Variants in VPS13D observed in about 807,000 individuals in gnomAD.
VPS13D encodes intermembrane lipid transfer protein VPS13D.
A neutral mutation model predicts 461.9 loss-of-function variants in VPS13D; 187 were observed. That is an observed-to-expected ratio of 0.40 (90% CI 0.36 to 0.46). The LOEUF is 0.46. VPS13D is among the 20% of genes least tolerant of loss of function. VPS13D has a pLI of 0.60. For synonymous variants in VPS13D, 1,951 were observed against 1,986.3 expected (o/e 0.98, Z 0.47); for missense variants, 4,711 against 5,364.9 (o/e 0.88, Z 3.81).
intron 67 of VPS13D, among the ~76,000 whole-genome samples, chr1:12,477,362 C>G (rs1271674972): frequency 6.6e-6 from 1 of 152,180 alleles, no homozygotes; most frequent in Non-Finnish European, 1.5e-5. Flanking sequence ...AACCCAGTAG[C>G]CTCATTTTAC....
rs1459760382 is a variant in VPS13D at position 12,271,133 on chromosome 1, G to T, written c.2103+9G>T. On this transcript the variant is annotated intron_variant, in intron 17 of 69. Transcript: ENST00000620676. ...TAGTGGGTGATTTCATTGTAAGTGG[G>T]CATCCATAAACACTCTTTGGGGATT... 2 of 1,613,786 alleles carry T rather than the reference G, an allele frequency of 1.2e-6. No individual in the cohort carries two copies. The highest frequency in any genetic ancestry group is 1.7e-6 in the Non-Finnish European group (2 of 1,179,840).
chr1:12,274,199 C>T (rs1050824594), intron 18 of VPS13D, among the ~76,000 whole-genome samples: 2 of 152,190 alleles, frequency 1.3e-5, no homozygotes, highest in Non-Finnish European at 2.9e-5. Context: ...CACCACTATG[C>T]CCAGCTAATT....
At chr1:12,425,133 A>T (rs1644908344) in intron 65 of VPS13D, among the ~76,000 whole-genome samples, 1 of 150,666 alleles carries the variant, frequency 6.6e-6, no homozygotes, top group Non-Finnish European at 1.5e-5. Context: ...GTTCTTTCTA[A>T]TTTTTTTTTT....
chr1:12,371,390 CTTT>C (rs1286829007), intron 54 of VPS13D, among the ~76,000 whole-genome samples: 5 of 135,188 alleles, frequency 3.7e-5, no homozygotes, highest in African/African-American at 2.7e-5. Flanking sequence ...ATGCTTCATT[CTTT>C]TTTTTTTTTT....
chr1:12,505,491 C>A lies in VPS13D; in HGVS notation c.12795-1362C>A, dbSNP rs552054338. Among the ~76,000 whole-genome samples, 1 of 152,180 alleles carries A rather than the reference C, an allele frequency of 6.6e-6. No individual in the cohort carries two copies. The highest frequency in any genetic ancestry group is 1.5e-5 in the Non-Finnish European group (1 of 68,016). Reference sequence around the variant, plus strand: ...AATAAATCCCAGTTTTTGTCATGGGCGTCTGTAATTAAAATGGCAACTGGA... The same window carrying A: ...AATAAATCCCAGTTTTTGTCATGGGAGTCTGTAATTAAAATGGCAACTGGA... On this transcript the variant is annotated intron_variant, in intron 68 of 69. Coordinates refer to ENST00000620676, the MANE Select transcript of VPS13D (RefSeq NM_015378.4). This position sits in a 1 kb window ranked among gnomAD's most constrained non-coding sequence, Gnocchi z 4.2.
intron 5 of VPS13D, among the ~76,000 whole-genome samples, chr1:12,247,503 A>T (rs569286000): frequency 1.3e-5 from 2 of 151,436 alleles, no homozygotes; most frequent in East Asian, 3.9e-4. Context: ...AAAAAAACCC[A>T]AAAAAAACCC....
intron 66 of VPS13D, among the ~76,000 whole-genome samples, chr1:12,459,404 G>T (rs1235418274): frequency 6.6e-6 from 1 of 151,952 alleles, no homozygotes; most frequent in Non-Finnish European, 1.5e-5. Flanking sequence ...AGGGGATCCT[G>T]GATCAATCCC....
rs756749455 is a variant in VPS13D at position 12,258,032 on chromosome 1, C to T, written c.1039C>T (p.Arg347Cys). The change falls in exon 10 of 70, where the codon CGT becomes TGT. Residue 347 changes from arginine (R) to cysteine (C), a missense_variant. By Grantham distance (180) the Arg-to-Cys change is radical. Around this residue, in one of 3 missense-constraint regions of VPS13D, gnomAD observed 4,411 missense variants for 4,937.8 expected, o/e 0.89. Coordinates refer to ENST00000620676, the MANE Select transcript of VPS13D (RefSeq NM_015378.4). ...CTWDFMLHRA[R>C]DAVSYTDKYF... ...CTGGGACTTTATGTTGCACCGCGCT[C>T]GTGATGCTGTATCTTACACTGACAA... 1.2e-5 allele frequency: 19 copies of T among 1,614,014 alleles called. No individual in the cohort carries two copies. Among genetic ancestry groups the T allele is most frequent in the East Asian group, 4.5e-5 (2 of 44,892 alleles).
chr1:12,399,219 C>T (rs1195281233), intron 60 of VPS13D, among the ~76,000 whole-genome samples: 7 of 144,164 alleles, frequency 4.9e-5, no homozygotes, highest in African/African-American at 7.8e-5. Flanking sequence ...TTTTTTGAGA[C>T]GGAGTCTCTC....
rs1305035937 is a variant in VPS13D at position 12,276,479 on chromosome 1, T to C, written c.2891T>C (p.Met964Thr). The change falls in exon 19 of 70, where the codon ATG becomes ACG. Residue 964 changes from methionine to threonine, a missense_variant. Coordinates refer to ENST00000620676, the MANE Select transcript of VPS13D (RefSeq NM_015378.4). The surrounding 1 kb of genome is among the most constrained non-coding windows in gnomAD (Gnocchi z 4.5). ...LLLAEFKVNC[M>T]QLGVESNGRY... ...CTGGCGGAATTTAAAGTGAACTGTA[T>C]GCAGCTTGGTGTTGAGAGCAATGGC... 1.2e-6 allele frequency: 2 copies of C among 1,614,182 alleles called. No individual in the cohort carries two copies. Among genetic ancestry groups the C allele is most frequent in the Admixed American group, 1.7e-5 (1 of 60,016 alleles).
In VPS13D at chr1:12,275,009, A is replaced by G. The variant is rs181349380; in HGVS notation, c.2237-816A>G. Among the ~76,000 whole-genome samples the G allele has an allele frequency of 4.2e-3, 637 of 152,258 alleles. 2 individuals carry two copies. Among genetic ancestry groups the G allele is most frequent in the Non-Finnish European group, 6.7e-3 (454 of 68,006 alleles). ...TGAGGTGGGTGGATCACCTGAGGTC[A>G]GGAGTTCGAGACCAGTCTGGCCAAC... On this transcript the variant is annotated intron_variant, in intron 18 of 69. Transcript: ENST00000620676.
At position 12,346,511 on chromosome 1, in the gene VPS13D, C is replaced by T. The variant is rs1569964685; in HGVS notation, c.9022-94C>T. The T allele has an allele frequency of 1.2e-5, 15 of 1,297,106 alleles. No individual in the cohort carries two copies. The East Asian group carries it at 3.5e-4, about 30-fold the overall frequency. The allele number at this position is 1,297,106 out of a possible 1,614,324, so 80.3% of individuals were successfully genotyped here. On this transcript the variant is annotated intron_variant, in intron 43 of 69. Coordinates refer to ENST00000620676, the MANE Select transcript of VPS13D (RefSeq NM_015378.4). ...TACTTTACTTGAAAGTATTTACAAA[C>T]ACGACCCTTTGAAGAAAATTATGTT...
rs567284802 is a variant in VPS13D at position 12,340,114 on chromosome 1, T to G, written c.8627-1666T>G. ...GTTTACCCTGCAGACAGCTCTTAAA[T>G]TTTTTACTCCCCCTCTGCTCTTGTC... On this transcript the variant is annotated intron_variant, in intron 40 of 69. Transcript: ENST00000620676. Among the ~76,000 whole-genome samples, 17 of 152,302 alleles carry G rather than the reference T, an allele frequency of 1.1e-4. No homozygotes were observed. The East Asian group carries it at 3.3e-3, about 29-fold the overall frequency.
intron 57 of VPS13D, among the ~76,000 whole-genome samples, chr1:12,382,008 TCTTC>T (rs529283157): frequency 3.3e-4 from 48 of 145,066 alleles, no homozygotes; most frequent in East Asian, 1.2e-3. Flanking sequence ...TTCCTTCCTT[TCTTC>T]CTTCCTTCCT....
chr1:12,424,249 A>G (rs1644896762), intron 65 of VPS13D, among the ~76,000 whole-genome samples: 1 of 152,244 alleles, frequency 6.6e-6, no homozygotes, highest in Admixed American at 6.5e-5. Context: ...TTTCTTTTCC[A>G]GTCAAGAGGA....
chr1:12,349,481 A>C (rs1294746541), intron 46 of VPS13D, 107 bp downstream of exon 46: 3 of 1,093,036 alleles, frequency 2.7e-6, no homozygotes, highest in Non-Finnish European at 3.9e-6. Context: ...AGTTATCTTT[A>C]TTTAAACTCT....
chr1:12,262,849 G>A (rs556592142), intron 13 of VPS13D, among the ~76,000 whole-genome samples: 20 of 151,958 alleles, frequency 1.3e-4, no homozygotes, highest in East Asian at 1.2e-3. Context: ...GACTACAGGC[G>A]CGCGCCACCA....
At chr1:12,498,836 A>G (rs1486850701) in intron 68 of VPS13D, among the ~76,000 whole-genome samples, 5 of 152,120 alleles carry the variant, frequency 3.3e-5, no homozygotes, top group Admixed American at 6.5e-5. Flanking sequence ...TGTCTCTTAT[A>G]AGGGTACTAA....
chr1:12,316,070 C>T (rs1362623138), intron 30 of VPS13D, among the ~76,000 whole-genome samples: 1 of 152,182 alleles, frequency 6.6e-6, no homozygotes, highest in African/African-American at 2.4e-5. Context: ...CCGCCTCAGC[C>T]TCCCAAAGTG....
Sources: gnomAD v4.1 joint callset for allele counts (sites outside exome capture counted in the v4.1 genomes callset) on GRCh38, gnomAD v4.1.1 for gene constraint, gnomAD v4.1.1 regional missense constraint, Gnocchi (gnomAD v3.1) non-coding constraint, MANE v1.5 for transcripts, NCBI Gene and HGNC (gene_info 2026-07-23, HGNC 2026-07-21) for gene names.